Variants in USP46 observed in about 807,000 individuals in gnomAD.
USP46 encodes the protein ubiquitin carboxyl-terminal hydrolase 46.
A neutral mutation model predicts 44.4 loss-of-function variants in USP46; 12 were observed. The observed-to-expected ratio is 0.27, with a 90% CI of 0.17 to 0.44. USP46 has a LOEUF of 0.44. USP46 is among the 20% of genes least tolerant of loss of function. The pLI is 1.00. For synonymous variants in USP46, 155 were observed against 161.5 expected (o/e 0.96, Z 0.31); for missense variants, 248 against 444.8 (o/e 0.56, Z 3.98).
intron 5 of USP46, among the ~76,000 whole-genome samples, chr4:52,608,306 T>C (rs1398588996): frequency 6.6e-6 from 1 of 151,962 alleles, no homozygotes. Context: ...TAAAATCTTC[T>C]TTTTCACTCA....
chr4:52,640,514 T>C (rs1211527847), intron 1 of USP46, among the ~76,000 whole-genome samples: 1 of 152,164 alleles, frequency 6.6e-6, no homozygotes, highest in African/African-American at 2.4e-5. Context: ...TATTATTTTT[T>C]ATTAAAATTT....
At chr4:52,623,149 T>C (rs898669002) in intron 4 of USP46, among the ~76,000 whole-genome samples, 2 of 152,018 alleles carry the variant, frequency 1.3e-5, no homozygotes, top group African/African-American at 4.8e-5. Context: ...AAGAAAAGTA[T>C]CTTAAGGGAG....
At chr4:52,634,138 G>A (rs181934154) in intron 1 of USP46, among the ~76,000 whole-genome samples, 35 of 147,902 alleles carry the variant, frequency 2.4e-4, no homozygotes, top group African/African-American at 8.2e-4. Context: ...TTTTTGAGAC[G>A]CAGTCTCGCT....
At chr4:52,653,540 G>A (rs1718846652) in intron 1 of USP46, among the ~76,000 whole-genome samples, 3 of 143,844 alleles carry the variant, frequency 2.1e-5, no homozygotes, top group Admixed American at 7.0e-5. Flanking sequence ...ATTGATTTTT[G>A]GGTGGCCTTT....
chr4:52,620,057 T>A (rs1393336538), intron 4 of USP46, among the ~76,000 whole-genome samples: 1 of 152,176 alleles, frequency 6.6e-6, no homozygotes, highest in East Asian at 1.9e-4. Context: ...TACTACAGTA[T>A]CATCCAAAAT....
chr4:52,632,213 C>T lies in USP46; in HGVS notation c.37-1069G>A, dbSNP rs1717855893. Among the ~76,000 whole-genome samples, 4 of 152,174 alleles carry T rather than the reference C, an allele frequency of 2.6e-5. No individual in the cohort carries two copies. In the South Asian group the frequency reaches 8.3e-4, roughly 32 times the overall value. On this transcript the variant is annotated intron_variant, in intron 1 of 8. Coordinates refer to ENST00000441222, the MANE Select transcript of USP46 (RefSeq NM_022832.4). ...CCTAAGAGGCAGACTTGAGAGTCCA[C>T]AATCATAAGCAAATGCTGTGCAGAG...
intron 4 of USP46, among the ~76,000 whole-genome samples, chr4:52,625,396 T>C (rs1159150219): frequency 2.0e-5 from 3 of 152,080 alleles, no homozygotes; most frequent in Non-Finnish European, 4.4e-5. Flanking sequence ...CAGCAAAATA[T>C]GAGGCCACCC....
chr4:52,597,861 T>C, intron 8 of USP46, 120 bp from the exon 9 acceptor site: 1 of 741,412 alleles, frequency 1.3e-6, no homozygotes, highest in South Asian at 2.0e-5. Flanking sequence ...GAAATCATCA[T>C]TAGGAACTTT....
chr4:52,635,887 G>T (rs116494570), intron 1 of USP46, among the ~76,000 whole-genome samples: 1,859 of 152,298 alleles, frequency 0.012, 14 homozygotes, highest in Non-Finnish European at 0.021. Context: ...GGGGAGAAGT[G>T]GGGGTGGAGG....
At chr4:52,653,495 C>CAAA (rs397880678) in intron 1 of USP46, among the ~76,000 whole-genome samples, 43 of 52,934 alleles carry the variant, frequency 8.1e-4, no homozygotes, top group African/African-American at 1.1e-3. Context: ...AACTCTATCT[C>CAAA]AAAAAAAAAA....
chr4:52,632,973 AAAGAAAGAAAGAAAAGAAAAG>A (rs1560406010), intron 1 of USP46, among the ~76,000 whole-genome samples: 128 of 83,872 alleles, frequency 1.5e-3, no homozygotes, highest in African/African-American at 7.2e-3. Flanking sequence ...AGAAAGAAAG[AAAGAAAGAAAGAAAAGAAAAG>A]AAAGAAAGAA....
chr4:52,653,558 A>C (rs1718847682), intron 1 of USP46, among the ~76,000 whole-genome samples: 1 of 152,006 alleles, frequency 6.6e-6, no homozygotes, highest in South Asian at 2.1e-4. Flanking sequence ...TTTTCTCTTA[A>C]AGACCACCAA....
chr4:52,626,252 A>G lies in USP46; in HGVS notation c.332-5T>C, dbSNP rs1386325298. 1.9e-6 allele frequency: 3 copies of G among 1,608,028 alleles called. No individual in the cohort carries two copies. Among genetic ancestry groups the G allele is most frequent in the Admixed American group, 1.7e-5 (1 of 59,236 alleles). ...GCATGTAGTTATCAAAGAGATCTGG[A>G]AAGGAGAAGGTGGTTATTTCAGTCT... On this transcript the variant is annotated splice_polypyrimidine_tract_variant and splice_region_variant and intron_variant, in intron 3 of 8. Transcript: ENST00000441222.
intron 3 of USP46, among the ~76,000 whole-genome samples, chr4:52,627,723 T>C (rs1717647793): frequency 6.6e-6 from 1 of 152,242 alleles, no homozygotes; most frequent in Non-Finnish European, 1.5e-5. Context: ...ATGGTCATTC[T>C]AAATTGGAAT....
At chr4:52,622,615 A>C (rs1717420035) in intron 4 of USP46, among the ~76,000 whole-genome samples, 2 of 152,230 alleles carry the variant, frequency 1.3e-5, no homozygotes, top group Admixed American at 1.3e-4. Context: ...GTTTAGTAAG[A>C]AAGATAGATG....
At chr4:52,630,832 A>C (rs1717795919) in intron 2 of USP46, among the ~76,000 whole-genome samples, 1 of 152,136 alleles carries the variant, frequency 6.6e-6, no homozygotes, top group African/African-American at 2.4e-5. Context: ...TCCTTAAAGC[A>C]TGGGGGGAAA....
rs575986178 is a variant in USP46, at chr4:52,597,470, G to A, written c.*170C>T. On this transcript the variant is annotated 3_prime_UTR_variant, in exon 9 of 9. Coordinates refer to ENST00000441222, the MANE Select transcript of USP46 (RefSeq NM_022832.4). Reference sequence around the variant, plus strand: ...ATGTCAGACTGAAATAAAACCAAGAGTAGTGCTGCATGTAAAAACACAAAA... The same window carrying A: ...ATGTCAGACTGAAATAAAACCAAGAATAGTGCTGCATGTAAAAACACAAAA... 14 of 583,892 alleles carry A rather than the reference G, an allele frequency of 2.4e-5. No homozygotes were observed. The highest frequency in any genetic ancestry group is 3.6e-5 in the Admixed American group (1 of 28,140). 36.2% of individuals were successfully genotyped at this position (583,892 alleles called of 1,614,324 possible).
intron 6 of USP46, among the ~76,000 whole-genome samples, chr4:52,603,315 A>G (rs1372105827): frequency 1.3e-5 from 2 of 152,208 alleles, no homozygotes; most frequent in African/African-American, 2.4e-5. Flanking sequence ...AAAGGTATCT[A>G]CCTACCTCCT....
In USP46 at chr4:52,596,045, T is replaced by G. The variant is rs141367139; in HGVS notation, c.*1595A>C. On this transcript the variant is annotated 3_prime_UTR_variant, in exon 9 of 9. Coordinates refer to ENST00000441222, the MANE Select transcript of USP46 (RefSeq NM_022832.4). ...TCCAGTGAAAAGTAAAACATTTCAC[T>G]TCAAGCATAAACAAACGAAATGTTG... The G allele has an allele frequency of 6.5e-6, 1 of 152,800 alleles. No individual in the cohort carries two copies. Among genetic ancestry groups the G allele is most frequent in the Admixed American group, 6.5e-5 (1 of 15,308 alleles). 9.5% of individuals were successfully genotyped at this position (152,800 alleles called of 1,614,324 possible). A position where few individuals can be genotyped will look rare whatever the true frequency, so the allele number is the denominator to read the frequency against.
Sources: gnomAD v4.1 joint callset for allele counts (sites outside exome capture counted in the v4.1 genomes callset) on GRCh38, gnomAD v4.1.1 for gene constraint, MANE v1.5 for transcripts, NCBI Gene and HGNC (gene_info 2026-07-23, HGNC 2026-07-21) for gene names.